The following SMARCA2 variants were observed in gnomAD, a reference collection of about 807,000 sequenced individuals.
SMARCA2 encodes the protein SWI/SNF related BAF chromatin remodeling complex subunit ATPase 2.
SMARCA2 carries 61 observed loss-of-function variants against 199.8 expected under a neutral mutation model. The observed-to-expected ratio is 0.31, with a 90% confidence interval of 0.25 to 0.38. The LOEUF is 0.38. Ranked by LOEUF, SMARCA2 falls within the 10% of genes least tolerant of loss-of-function variation. The pLI is 1.00. For synonymous variants in SMARCA2, 935 were observed against 732.0 expected (o/e 1.28, Z -4.48); for missense variants, 1,344 against 2,012.2 (o/e 0.67, Z 6.35).
intron 3 of SMARCA2, among the ~76,000 whole-genome samples, chr9:2,033,435 A>G (rs1388057508): frequency 6.6e-6 from 1 of 152,214 alleles, no homozygotes; most frequent in African/African-American, 2.4e-5. Flanking sequence ...TTGTTTTGCT[A>G]AGTTTACATG....
chr9:2,049,865 T>C (rs1427218663), intron 5 of SMARCA2, among the ~76,000 whole-genome samples: 2 of 152,250 alleles, frequency 1.3e-5, no homozygotes, highest in African/African-American at 4.8e-5. Context: ...TTAGCATTGA[T>C]AACTGTTAGG....
Position 2,192,988 on chromosome 9 carries a change from T to TTTGATGGAAA in SMARCA2, c.*250_*259dup, listed in dbSNP as rs1267466543. ...TTCAGATTGAAACAAACAAAAAGCT[T>TTTGATGGAAA]TTGATGGAAAATATGTGGGTGGATA... On this transcript the variant is annotated 3_prime_UTR_variant, in exon 34 of 34. Coordinates refer to ENST00000349721, the MANE Select transcript of SMARCA2 (RefSeq NM_003070.5). 1.3e-5 allele frequency: 6 copies of TTTGATGGAAA among 470,214 alleles called. No individual in the cohort carries two copies. Among genetic ancestry groups the TTTGATGGAAA allele is most frequent in the Non-Finnish European group, 2.2e-5 (6 of 267,814 alleles). The allele number at this position is 470,214 out of a possible 1,614,324, so 29.1% of individuals were successfully genotyped here. A position where few individuals can be genotyped will look rare whatever the true frequency, so the allele number is the denominator to read the frequency against.
rs1826164113 is a variant in SMARCA2 at position 2,170,076 on chromosome 9, C to T, written c.4200-343C>T. On this transcript the variant is annotated intron_variant, in intron 28 of 33. Transcript: ENST00000349721. This position sits in a 1 kb window ranked among gnomAD's most constrained non-coding sequence, Gnocchi z 4.7. Reference sequence around the variant, plus strand: ...CTAAACTCAGATAGACTAGCACTACCTTCCCAAGATCACACGCACCTCTAG... The same window carrying T: ...CTAAACTCAGATAGACTAGCACTACTTTCCCAAGATCACACGCACCTCTAG... Among the ~76,000 whole-genome samples the T allele has an allele frequency of 6.6e-6, 1 of 152,134 alleles. No homozygotes were observed. The highest frequency in any genetic ancestry group is 2.1e-4 in the South Asian group (1 of 4,822).
intron 19 of SMARCA2, among the ~76,000 whole-genome samples, chr9:2,095,816 C>A (rs1435555837): frequency 1.3e-5 from 2 of 152,194 alleles, no homozygotes; most frequent in Non-Finnish European, 2.9e-5. Flanking sequence ...TCACATTCTG[C>A]ATATTTCTAG....
In SMARCA2 at chr9:2,017,480, G is replaced by T. The variant is rs1226556308; in HGVS notation, c.-37+2076G>T. 6.6e-6 allele frequency: 1 copy of T among 152,538 alleles called. No individual in the cohort carries two copies. The highest frequency in any genetic ancestry group is 1.5e-5 in the Non-Finnish European group (1 of 68,440). 9.4% of individuals were successfully genotyped at this position (152,538 alleles called of 1,614,324 possible). On this transcript the variant is annotated intron_variant, in intron 1 of 33. Coordinates refer to ENST00000349721, the MANE Select transcript of SMARCA2 (RefSeq NM_003070.5). The surrounding 1 kb of genome is among the most constrained non-coding windows in gnomAD (Gnocchi z 8.8). ...CTGCTCCTGCCCGCACCCTCCCCTG[G>T]AGCCCGGGGAGGACAAGGCGAGGTT... is the stretch of plus-strand genomic sequence containing the variant.
intron 28 of SMARCA2, among the ~76,000 whole-genome samples, chr9:2,168,593 T>C (rs1455653908): frequency 6.6e-6 from 1 of 152,214 alleles, no homozygotes; most frequent in Non-Finnish European, 1.5e-5. Flanking sequence ...TCGAAGGCTT[T>C]CCCACACTGA....
At chr9:2,101,459 ATTATT>A (rs1396015176) in intron 21 of SMARCA2, 106 bp from the exon 22 acceptor site, 1 of 539,634 alleles carries the variant, frequency 1.9e-6, no homozygotes, top group Non-Finnish European at 3.2e-6. Context: ...TTATTCATTA[ATTATT>A]TTGTTTTAAC....
intron 9 of SMARCA2, among the ~76,000 whole-genome samples, chr9:2,068,244 C>A (rs141409683): frequency 5.9e-5 from 9 of 152,182 alleles, no homozygotes; most frequent in Non-Finnish European, 1.2e-4. Context: ...GAGCCTGATG[C>A]TCTTTGAAGC....
At chr9:2,096,802 G>A (rs1297663668) in intron 20 of SMARCA2, 38 bp downstream of exon 20, 2 of 1,191,536 alleles carry the variant, frequency 1.7e-6, no homozygotes, top group Non-Finnish European at 2.5e-6. Flanking sequence ...AGGTGCTGTG[G>A]TATGTCTTCT....
chr9:2,058,166 A>T, intron 7 of SMARCA2, 125 bp from the exon 8 acceptor site: 2 of 827,010 alleles, frequency 2.4e-6, no homozygotes, highest in South Asian at 1.6e-5. Flanking sequence ...CTATCCCCAA[A>T]CAGATTCTAG....
At chr9:2,177,567 T>G (rs1586798090) in intron 29 of SMARCA2, among the ~76,000 whole-genome samples, 1 of 152,320 alleles carries the variant, frequency 6.6e-6, no homozygotes, top group East Asian at 1.9e-4. Flanking sequence ...TCTTTTTTTT[T>G]TTGAAACTGA....
intron 16 of SMARCA2, 36 bp from the exon 17 acceptor site, chr9:2,084,050 A>T: frequency 8.9e-7 from 1 of 1,122,454 alleles, no homozygotes; most frequent in Non-Finnish European, 1.4e-6. Context: ...ATATATGTCC[A>T]TAGGATCATG....
intron 21 of SMARCA2, among the ~76,000 whole-genome samples, chr9:2,099,854 A>G (rs1247766086): frequency 6.6e-6 from 1 of 152,194 alleles, no homozygotes; most frequent in African/African-American, 2.4e-5. Flanking sequence ...GCTGTTACCT[A>G]ATCTCCAACA....
intron 18 of SMARCA2, among the ~76,000 whole-genome samples, chr9:2,087,667 C>A (rs1563759944): frequency 6.6e-6 from 1 of 151,886 alleles, no homozygotes; most frequent in Non-Finnish European, 1.5e-5. Context: ...CTTAAGAGCT[C>A]ATTTATGAAA....
intron 33 of SMARCA2, chr9:2,192,206 G>T: frequency 5.6e-6 from 1 of 177,942 alleles, no homozygotes. Flanking sequence ...TGGTTTCCTG[G>T]CACCCACATT....
At chr9:2,147,843 G>A (rs375285893) in intron 27 of SMARCA2, among the ~76,000 whole-genome samples, 16 of 150,390 alleles carry the variant, frequency 1.1e-4, no homozygotes, top group South Asian at 4.2e-4. Flanking sequence ...GCCAGACTCC[G>A]TCTCAAAAAA....
Position 2,076,430 on chromosome 9 carries a change from G to T in SMARCA2, c.2036+101G>T, listed in dbSNP as rs564224684. The T allele has an allele frequency of 1.1e-5, 8 of 754,662 alleles. No homozygotes were observed. The African/African-American group carries it at 1.4e-4, about 13-fold the overall frequency. The allele number at this position is 754,662 out of a possible 1,614,324, so 46.7% of individuals were successfully genotyped here. On this transcript the variant is annotated intron_variant, in intron 13 of 33. Transcript: ENST00000349721. Reference sequence around the variant, plus strand: ...GTTCAAGGAAGGCAACTAACTTCACGCCTACACTCTGCTTGAAACTGTGCT... The same window carrying T: ...GTTCAAGGAAGGCAACTAACTTCACTCCTACACTCTGCTTGAAACTGTGCT...
intron 9 of SMARCA2, 82 bp downstream of exon 9, chr9:2,061,068 C>G: frequency 7.9e-7 from 1 of 1,269,458 alleles, no homozygotes; most frequent in Non-Finnish European, 1.1e-6. Context: ...TCTTTAAGTA[C>G]TACTTCTTAC....
chr9:2,149,130 G>T (rs971848855), intron 27 of SMARCA2, among the ~76,000 whole-genome samples: 1 of 151,144 alleles, frequency 6.6e-6, no homozygotes, highest in Non-Finnish European at 1.5e-5. Context: ...TGGACTTACA[G>T]TTCCACATGG....
Sources: gnomAD v4.1 joint callset for allele counts (sites outside exome capture counted in the v4.1 genomes callset) on GRCh38, gnomAD v4.1.1 for gene constraint, Gnocchi (gnomAD v3.1) non-coding constraint, MANE v1.5 for transcripts, NCBI Gene and HGNC (gene_info 2026-07-23, HGNC 2026-07-21) for gene names.